BMERB1: variants seen among roughly 807,000 people sequenced by gnomAD.
BMERB1 encodes bMERB domain containing 1, also known as bMERB domain-containing protein 1.
BMERB1 carries 12 observed loss-of-function variants against 23.6 expected under a neutral mutation model. The ratio of observed to expected loss-of-function variants is 0.51; its 90% CI spans 0.33 to 0.82. BMERB1 has a LOEUF of 0.82. BMERB1 is among the 40% of genes least tolerant of loss of function. The probability of loss-of-function intolerance (pLI) is 0.03; values close to 1 mark genes in which losing one functional copy is unlikely to be tolerated. For missense variants in BMERB1, 247 were observed against 255.4 expected, an observed-to-expected ratio of 0.97 and a Z score of 0.22; for synonymous variants, 122 against 96.6, an observed-to-expected ratio of 1.26 and a Z score of -1.54.
intron 1 of BMERB1, among the ~76,000 whole-genome samples, chr16:15,463,496 T>C (rs1015016882): frequency 1.3e-5 from 2 of 151,998 alleles, no homozygotes; most frequent in African/African-American, 4.8e-5. Flanking sequence ...CCTGTGCGAG[T>C]TGGGCTTTGT....
intron 3 of BMERB1, among the ~76,000 whole-genome samples, chr16:15,577,722 G>A (rs932754441): frequency 1.8e-4 from 28 of 152,246 alleles, no homozygotes; most frequent in African/African-American, 6.0e-4. Flanking sequence ...CAGGTTGTGC[G>A]CATGCGCAGT....
chr16:15,544,786 C>A (rs1360488948), intron 2 of BMERB1, among the ~76,000 whole-genome samples: 1 of 152,176 alleles, frequency 6.6e-6, no homozygotes, highest in Admixed American at 6.6e-5. Flanking sequence ...ATATGAGTGA[C>A]TGCTAGTTCT....
intron 1 of BMERB1, among the ~76,000 whole-genome samples, chr16:15,513,888 C>T (rs1246335625): frequency 6.6e-6 from 1 of 151,118 alleles, no homozygotes; most frequent in Non-Finnish European, 1.5e-5. Context: ...GGCGAGACTC[C>T]GTCTCAAAAA....
chr16:15,518,057 ATGTG>A (rs993460643), intron 2 of BMERB1, among the ~76,000 whole-genome samples: 1 of 151,782 alleles, frequency 6.6e-6, no homozygotes, highest in Non-Finnish European at 1.5e-5. Context: ...ATGTATGGAT[ATGTG>A]TGTGTGTATG....
At chr16:15,506,966 A>T (rs2051598750) in intron 1 of BMERB1, among the ~76,000 whole-genome samples, 1 of 152,162 alleles carries the variant, frequency 6.6e-6, no homozygotes, top group Admixed American at 6.5e-5. Flanking sequence ...TGACCTCTCT[A>T]AGCCTCATTT....
intron 1 of BMERB1, among the ~76,000 whole-genome samples, chr16:15,498,364 T>G (rs1420442154): frequency 6.6e-6 from 1 of 151,884 alleles, no homozygotes; most frequent in Non-Finnish European, 1.5e-5. Context: ...TGAGACTCCG[T>G]CTCTACAAAA....
chr16:15,481,898 TA>T (rs2051323668), intron 1 of BMERB1, among the ~76,000 whole-genome samples: 1 of 151,488 alleles, frequency 6.6e-6, no homozygotes. Flanking sequence ...CAAATTTTTG[TA>T]TTTTTTTTTT....
Position 15,458,835 on chromosome 16 carries a change from G to A in BMERB1, c.106+24076G>A, listed in dbSNP as rs141414933. On this transcript the variant is annotated intron_variant, in intron 1 of 5. Transcript: ENST00000300006. ...AAAAAACACAAACAAAGCCAGGTGC[G>A]GTGGCTCACGCCTGTAATCCCAGCA... Among the ~76,000 whole-genome samples the A allele has an allele frequency of 2.8e-4, 42 of 152,018 alleles. 1 individual carries two copies. In the East Asian group the frequency reaches 4.2e-3, roughly 15 times the overall value.
chr16:15,488,629 C>G (rs1376402789), intron 1 of BMERB1, among the ~76,000 whole-genome samples: 1 of 148,906 alleles, frequency 6.7e-6, no homozygotes, highest in Non-Finnish European at 1.5e-5. Context: ...GTCAGGAGAG[C>G]AAGACCGTCC....
chr16:15,465,260 A>G (rs114175242), intron 1 of BMERB1, among the ~76,000 whole-genome samples: 2,209 of 152,176 alleles, frequency 0.015, 59 homozygotes, highest in African/African-American at 0.051. Context: ...TAAATCAGCA[A>G]TTCTCTCCAA....
chr16:15,558,831 G>A (rs1474762323), intron 2 of BMERB1, among the ~76,000 whole-genome samples: 4 of 151,378 alleles, frequency 2.6e-5, no homozygotes, highest in South Asian at 2.1e-4. Flanking sequence ...GCTTCATCAG[G>A]TTAGCGTTCG....
At chr16:15,573,211 T>C (rs972999988) in intron 3 of BMERB1, among the ~76,000 whole-genome samples, 1 of 152,192 alleles carries the variant, frequency 6.6e-6, no homozygotes, top group Middle Eastern at 3.2e-3. Context: ...CAGCTAATGC[T>C]TCAAGCCTGA....
intron 1 of BMERB1, among the ~76,000 whole-genome samples, chr16:15,473,053 T>C (rs958614561): frequency 1.3e-5 from 2 of 152,036 alleles, no homozygotes; most frequent in Non-Finnish European, 2.9e-5. Context: ...AGAGATGAGG[T>C]TTCGCCATGT....
chr16:15,571,011 TTTACTAATGCTGTTTTATCAGGAAGGTC>T (rs1433192784), intron 3 of BMERB1, among the ~76,000 whole-genome samples: 3 of 150,930 alleles, frequency 2.0e-5, no homozygotes, highest in Non-Finnish European at 2.9e-5. Context: ...GGCAGCCTTC[TTTACTAATGCTGTTTTATCAGGAAGGTC>T]TTTGTGACCT....
intron 1 of BMERB1, among the ~76,000 whole-genome samples, chr16:15,467,623 A>G (rs1472193636): frequency 6.6e-6 from 1 of 152,132 alleles, no homozygotes; most frequent in Admixed American, 6.6e-5. Context: ...TGGTTTGCAA[A>G]TATTTCCTCC....
intron 2 of BMERB1, among the ~76,000 whole-genome samples, chr16:15,564,757 G>A (rs1246440842): frequency 6.6e-6 from 1 of 152,222 alleles, no homozygotes; most frequent in East Asian, 1.9e-4. Flanking sequence ...AATGGAATAT[G>A]TAAGACTTGG....
At chr16:15,500,705 G>T in intron 1 of BMERB1, among the ~76,000 whole-genome samples, 1 of 152,228 alleles carries the variant, frequency 6.6e-6, no homozygotes, top group East Asian at 1.9e-4. Flanking sequence ...AAACTGTAGT[G>T]CAGTGGCGCA....
intron 2 of BMERB1, among the ~76,000 whole-genome samples, chr16:15,565,650 A>C (rs1293426304): frequency 6.6e-6 from 1 of 152,112 alleles, no homozygotes; most frequent in Admixed American, 6.6e-5. Context: ...GGAGTTCAAG[A>C]CCAACCTGGT....
intron 2 of BMERB1, among the ~76,000 whole-genome samples, chr16:15,521,147 A>G (rs1598492524): frequency 6.6e-6 from 1 of 152,228 alleles, no homozygotes; most frequent in African/African-American, 2.4e-5. Context: ...TGGCTGCAGC[A>G]CGCAATTAAA....
Sources: gnomAD v4.1 joint callset for allele counts (sites outside exome capture counted in the v4.1 genomes callset) on GRCh38, gnomAD v4.1.1 for gene constraint, MANE v1.5 for transcripts, NCBI Gene and HGNC (gene_info 2026-07-23, HGNC 2026-07-21) for gene names.